The following CRYBA4 variants were observed in gnomAD, a reference collection of about 807,000 sequenced individuals.
CRYBA4 encodes crystallin beta A4, also known as beta-crystallin A4.
CRYBA4 carries 30 observed loss-of-function variants against 31.7 expected under a neutral mutation model. The ratio of observed to expected loss-of-function variants is 0.95; its 90% CI spans 0.71 to 1.28. The LOEUF (loss-of-function observed/expected upper bound fraction) is 1.28, where lower values mean the gene tolerates loss of function less well. CRYBA4 is among the 50% of genes most tolerant of loss of function. The pLI is 0.00. For missense variants in CRYBA4, 225 were observed against 260.7 expected (o/e 0.86, Z 0.94); for synonymous variants, 102 against 102.3 (o/e 1.00, Z 0.02).
chr22:26,625,931 C>T (rs753702482), intron 4 of CRYBA4, among the ~76,000 whole-genome samples: 3 of 151,978 alleles, frequency 2.0e-5, no homozygotes, highest in Admixed American at 2.0e-4. Flanking sequence ...ATTCAGGGAC[C>T]CTGAGAGAAT....
the CRYBA4 span, among the ~76,000 whole-genome samples, chr22:26,604,613 G>C: frequency 7.9e-5 from 12 of 152,124 alleles, no homozygotes; most frequent in Admixed American, 3.9e-4. Flanking sequence ...AGGGAAGGAG[G>C]GTTGAGGGAA....
chr22:26,594,508 A>G, the CRYBA4 span, among the ~76,000 whole-genome samples: 2 of 152,176 alleles, frequency 1.3e-5, no homozygotes, highest in African/African-American at 4.8e-5. Flanking sequence ...CTGAGACTCA[A>G]AGATTCACAA....
upstream of CRYBA4, among the ~76,000 whole-genome samples, chr22:26,619,300 G>T (rs887563079): frequency 2.0e-5 from 3 of 152,154 alleles, no homozygotes; most frequent in African/African-American, 7.2e-5. Context: ...GGTCAAGTTG[G>T]GGTGATCAAG....
chr22:26,608,054 A>G, the CRYBA4 span: 1 of 1,613,978 alleles, frequency 6.2e-7, no homozygotes, highest in Non-Finnish European at 8.5e-7. Flanking sequence ...GGCAGACAGG[A>G]GACATATGGT....
At chr22:26,610,054 C>CG in the CRYBA4 span, among the ~76,000 whole-genome samples, 4 of 146 alleles carry the variant, frequency 0.027, no homozygotes, top group African/African-American at 0.053. Context: ...CCACCATGCC[C>CG]AAGTCCCCCT....
the CRYBA4 span, among the ~76,000 whole-genome samples, chr22:26,611,792 T>C: frequency 2.0e-5 from 3 of 152,110 alleles, no homozygotes; most frequent in African/African-American, 7.2e-5. Context: ...GTTTTTGCTA[T>C]AGTAGAAGCA....
At chr22:26,623,396 A>T (rs371205384) in intron 3 of CRYBA4, 44 bp downstream of exon 3, 1 of 1,491,040 alleles carries the variant, frequency 6.7e-7, no homozygotes, top group Non-Finnish European at 9.4e-7. Flanking sequence ...GGTGGACAGG[A>T]AGGGACCTAG....
At chr22:26,612,090 AT>A in the CRYBA4 span, 2 of 1,613,144 alleles carry the variant, frequency 1.2e-6, no homozygotes, top group Non-Finnish European at 8.5e-7. Flanking sequence ...GGAGACAATG[AT>A]GCTGCGCACA....
At chr22:26,628,841 A>C (rs984889170) in intron 5 of CRYBA4, among the ~76,000 whole-genome samples, 2 of 152,094 alleles carry the variant, frequency 1.3e-5, no homozygotes, top group African/African-American at 4.8e-5. Flanking sequence ...GATTCTATTA[A>C]AGGTTCCAAG....
the CRYBA4 span, among the ~76,000 whole-genome samples, chr22:26,607,462 C>T: frequency 2.5e-3 from 371 of 149,398 alleles, 6 homozygotes; most frequent in African/African-American, 8.8e-3. Flanking sequence ...GAGGCCCAGG[C>T]GGGAGGATCA....
intron 3 of CRYBA4, among the ~76,000 whole-genome samples, chr22:26,624,962 G>C (rs1165352505): frequency 3.3e-5 from 5 of 152,210 alleles, no homozygotes; most frequent in Admixed American, 3.3e-4. Flanking sequence ...CCACAAGAGA[G>C]GGAGGAAAAT....
chr22:26,603,139 AAAAAAC>A, the CRYBA4 span, among the ~76,000 whole-genome samples: 1 of 106,234 alleles, frequency 9.4e-6, no homozygotes, highest in African/African-American at 2.7e-5. Context: ...AAAAAAAAAA[AAAAAAC>A]AAAAAACAAA....
At chr22:26,611,454 G>A in the CRYBA4 span, among the ~76,000 whole-genome samples, 4 of 142,696 alleles carry the variant, frequency 2.8e-5, no homozygotes, top group Non-Finnish European at 6.2e-5. Context: ...GCTAGAGTTT[G>A]TTTTTTTTTT....
At position 26,630,338 on chromosome 22, in the gene CRYBA4, A is replaced by T. The variant is rs763855955; in HGVS notation, c.444-2A>T. 4 of 1,614,160 alleles carry T rather than the reference A, an allele frequency of 2.5e-6. No homozygotes were observed. The South Asian group carries it at 4.4e-5, about 18-fold the overall frequency. ...TAACTGTCTGCCTTTTCTCTTTTCC[A>T]GCTGGGTTTGCTCCCAGTTTCCGGG... On this transcript the variant is annotated splice_acceptor_variant, in intron 5 of 5. Transcript: ENST00000354760. LOFTEE classifies it high-confidence loss of function.
chr22:26,605,486 C>T, the CRYBA4 span, among the ~76,000 whole-genome samples: 3 of 151,876 alleles, frequency 2.0e-5, no homozygotes, highest in Non-Finnish European at 4.4e-5. Flanking sequence ...CCATCCTGGC[C>T]AACATGATGA....
Position 26,630,343 on chromosome 22 carries a change from G to C in CRYBA4, c.447G>C (p.Trp149Cys). The C allele has an allele frequency of 6.2e-7, 1 of 1,614,194 alleles. No individual in the cohort carries two copies. The highest frequency in any genetic ancestry group is 8.5e-7 in the Non-Finnish European group (1 of 1,180,016). ...VGSFHVHSGAWVCSQFPGYRG... is the reference protein window; with the variant it reads ...VGSFHVHSGACVCSQFPGYRG... Reference sequence around the variant, plus strand: ...GTCTGCCTTTTCTCTTTTCCAGCTGGGTTTGCTCCCAGTTTCCGGGCTACC... The same window carrying C: ...GTCTGCCTTTTCTCTTTTCCAGCTGCGTTTGCTCCCAGTTTCCGGGCTACC... The change falls in exon 6 of 6, where the codon TGG becomes TGC. Residue 149 changes from tryptophan (W) to cysteine (C), a missense_variant. Transcript: ENST00000354760.
intron 1 of CRYBA4, 37 bp from the exon 2 acceptor site, chr22:26,622,548 T>A (rs753348466): frequency 6.3e-7 from 1 of 1,584,980 alleles, no homozygotes; most frequent in Non-Finnish European, 8.7e-7. Context: ...GAGCAGAGGG[T>A]CAGGGTGGAA....
upstream of CRYBA4, among the ~76,000 whole-genome samples, chr22:26,620,821 C>A (rs2145976974): frequency 6.6e-6 from 1 of 152,256 alleles, no homozygotes; most frequent in African/African-American, 2.4e-5. Flanking sequence ...CCTCGGCCTC[C>A]CAAAGTGCTG....
chr22:26,627,388 CTT>C (rs1262705882), intron 4 of CRYBA4, among the ~76,000 whole-genome samples: 1 of 69,098 alleles, frequency 1.4e-5, no homozygotes, highest in Non-Finnish European at 2.2e-5. Context: ...TTCTTTCTTT[CTT>C]TCTTTCTTTC....
Sources: allele counts gnomAD v4.1 joint callset (sites outside exome capture counted in the v4.1 genomes callset), GRCh38; gene constraint gnomAD v4.1.1; transcripts MANE v1.5; gene names NCBI Gene and HGNC (gene_info 2026-07-23, HGNC 2026-07-21).